MAML3: variants seen among roughly 807,000 people sequenced by gnomAD.
MAML3 encodes the protein mastermind-like protein 3.
MAML3 carries 27 observed loss-of-function variants against 101.9 expected under a neutral mutation model. The ratio of observed to expected loss-of-function variants is 0.27; its 90% CI spans 0.20 to 0.37. MAML3 has a LOEUF of 0.37. MAML3 is among the 10% of genes least tolerant of loss of function. The pLI is 1.00. For synonymous variants in MAML3, 501 were observed against 555.9 expected (o/e 0.90, Z 1.39); for missense variants, 1,316 against 1,444.9 (o/e 0.91, Z 1.45).
chr4:140,134,438 G>A (rs1188556897), intron 1 of MAML3: 2 of 455,354 alleles, frequency 4.4e-6, no homozygotes, highest in South Asian at 3.1e-5. Context: ...GCTACAGCAA[G>A]TGCATATCTA....
intron 1 of MAML3, among the ~76,000 whole-genome samples, chr4:140,150,196 C>G (rs1729135361): frequency 6.6e-6 from 1 of 152,116 alleles, no homozygotes. Flanking sequence ...CTATTTGTTG[C>G]TAATTTGCTA....
At chr4:140,095,103 A>G (rs1005269210) in intron 1 of MAML3, among the ~76,000 whole-genome samples, 18 of 152,230 alleles carry the variant, frequency 1.2e-4, no homozygotes, top group African/African-American at 2.4e-5. Flanking sequence ...CTCAGGCAGG[A>G]GCCCCGCCTC....
intron 1 of MAML3, among the ~76,000 whole-genome samples, chr4:140,102,376 T>C (rs1283375698): frequency 6.6e-6 from 1 of 152,192 alleles, no homozygotes. Context: ...CAGAAATTTA[T>C]TTTCTCACAG....
intron 1 of MAML3, among the ~76,000 whole-genome samples, chr4:140,073,957 C>T (rs926501488): frequency 5.3e-5 from 8 of 151,706 alleles, no homozygotes; most frequent in African/African-American, 1.9e-4. Context: ...CATGGTGACA[C>T]CCCATCTCTA....
chr4:140,116,083 T>TA (rs1728512033), intron 1 of MAML3, among the ~76,000 whole-genome samples: 1 of 152,324 alleles, frequency 6.6e-6, no homozygotes, highest in African/African-American at 2.4e-5. Flanking sequence ...TTCCCTTTTT[T>TA]AAAAAAGATT....
At chr4:139,897,247 T>C (rs1057178571) in intron 1 of MAML3, among the ~76,000 whole-genome samples, 1 of 152,224 alleles carries the variant, frequency 6.6e-6, no homozygotes, top group Non-Finnish European at 1.5e-5. Flanking sequence ...TTCTAAAAGA[T>C]AGGTTTTATT....
intron 1 of MAML3, among the ~76,000 whole-genome samples, chr4:139,939,229 AATT>A (rs1200330589): frequency 6.6e-6 from 1 of 152,148 alleles, no homozygotes; most frequent in African/African-American, 2.4e-5. Flanking sequence ...CTCTTGTATA[AATT>A]ATTATTGCAA....
intron 2 of MAML3, among the ~76,000 whole-genome samples, chr4:139,828,565 T>G (rs1377784356): frequency 2.0e-5 from 3 of 152,106 alleles, no homozygotes; most frequent in African/African-American, 4.8e-5. Context: ...CATCATGGAG[T>G]TGAAAGTCTA....
intron 2 of MAML3, among the ~76,000 whole-genome samples, chr4:139,834,050 C>G (rs936098535): frequency 3.9e-5 from 6 of 152,162 alleles, no homozygotes. Context: ...AAACTTTATC[C>G]TAACAAAAAC....
At chr4:139,763,641 T>C (rs543707834) in intron 2 of MAML3, among the ~76,000 whole-genome samples, 3 of 152,342 alleles carry the variant, frequency 2.0e-5, no homozygotes, top group African/African-American at 7.2e-5. Context: ...ATGCTGCCCC[T>C]GTTTATTTGG....
intron 1 of MAML3, among the ~76,000 whole-genome samples, chr4:139,968,399 A>T (rs184801060): frequency 9.9e-5 from 15 of 152,202 alleles, no homozygotes; most frequent in Admixed American, 9.2e-4. Flanking sequence ...ATTGAAGTTA[A>T]ACAACACTAG....
intron 2 of MAML3, among the ~76,000 whole-genome samples, chr4:139,798,153 G>A (rs920622780): frequency 6.6e-6 from 1 of 152,110 alleles, no homozygotes; most frequent in Non-Finnish European, 1.5e-5. Context: ...CAGGTATACG[G>A]GAGTTCACAG....
intron 2 of MAML3, among the ~76,000 whole-genome samples, chr4:139,758,629 G>T (rs1457830355): frequency 1.3e-5 from 2 of 152,206 alleles, no homozygotes; most frequent in Non-Finnish European, 2.9e-5. Context: ...GGCTGCAGGA[G>T]TATGCTCGGT....
At chr4:139,915,304 G>GA (rs1011907886) in intron 1 of MAML3, among the ~76,000 whole-genome samples, 169 of 152,324 alleles carry the variant, frequency 1.1e-3, no homozygotes, top group African/African-American at 3.8e-3. Flanking sequence ...CTCCTCTTTG[G>GA]AAGCAGATTC....
intron 1 of MAML3, among the ~76,000 whole-genome samples, chr4:139,905,805 A>G (rs533498833): frequency 1.3e-5 from 2 of 152,184 alleles, no homozygotes; most frequent in Non-Finnish European, 2.9e-5. Flanking sequence ...TCCTCTTCTT[A>G]TATAGATAAT....
At chr4:140,151,080 GC>G (rs2111067827) in intron 1 of MAML3, among the ~76,000 whole-genome samples, 1 of 152,248 alleles carries the variant, frequency 6.6e-6, no homozygotes, top group East Asian at 1.9e-4. Flanking sequence ...ACCCCTCCCA[GC>G]CCAGCGGCCC....
intron 1 of MAML3, among the ~76,000 whole-genome samples, chr4:140,140,911 G>C (rs1728970101): frequency 6.6e-6 from 1 of 152,174 alleles, no homozygotes; most frequent in Non-Finnish European, 1.5e-5. Flanking sequence ...TAAAACAGCA[G>C]GGCCTGGCAA....
intron 1 of MAML3, among the ~76,000 whole-genome samples, chr4:140,058,368 A>G (rs1290691362): frequency 6.6e-6 from 1 of 152,054 alleles, no homozygotes; most frequent in Non-Finnish European, 1.5e-5. Context: ...CTAGGATTAC[A>G]GGCATGAGCC....
At chr4:139,842,252 C>G (rs1731375738) in intron 2 of MAML3, among the ~76,000 whole-genome samples, 1 of 152,170 alleles carries the variant, frequency 6.6e-6, no homozygotes, top group Non-Finnish European at 1.5e-5. Context: ...TTTGAGGATG[C>G]CAAACAAGGA....
Sources: gnomAD v4.1 joint callset for allele counts (sites outside exome capture counted in the v4.1 genomes callset) on GRCh38, gnomAD v4.1.1 for gene constraint, MANE v1.5 for transcripts, NCBI Gene and HGNC (gene_info 2026-07-23, HGNC 2026-07-21) for gene names.